CEP135: variants seen among roughly 807,000 people sequenced by gnomAD.
CEP135 encodes centrosomal protein of 135 kDa.
Under a neutral mutation model 157.3 loss-of-function variants are expected in CEP135, and 142 were observed. That is an observed-to-expected ratio of 0.90 (90% CI 0.79 to 1.04). CEP135 has a LOEUF of 1.04. Among genes scored for constraint, CEP135 ranks in the 50% least tolerant of loss-of-function variants. The probability of loss-of-function intolerance (pLI) is 0.00; values close to 1 mark genes in which losing one functional copy is unlikely to be tolerated. For synonymous variants in CEP135, 396 were observed against 439.8 expected (o/e 0.90, Z 1.25); for missense variants, 1,317 against 1,309.2 (o/e 1.01, Z -0.09).
At position 55,991,915 on chromosome 4, in the gene CEP135, T is replaced by C; in HGVS notation, c.1858-19T>C. ...ACGTATTAAGATATATACCTACTGTTTTTTTATTTAAATTATAGCTTGAAA... is the reference window on the plus strand; with the variant it reads ...ACGTATTAAGATATATACCTACTGTCTTTTTATTTAAATTATAGCTTGAAA... On this transcript the variant is annotated intron_variant, in intron 14 of 25. Coordinates refer to ENST00000257287, the MANE Select transcript of CEP135 (RefSeq NM_025009.5). The C allele has an allele frequency of 7.6e-7, 1 of 1,316,702 alleles. No individual in the cohort carries two copies. The highest frequency in any genetic ancestry group is 1.0e-6 in the Non-Finnish European group (1 of 956,304). The allele number at this position is 1,316,702 out of a possible 1,614,324, so 81.6% of individuals were successfully genotyped here.
intron 14 of CEP135, among the ~76,000 whole-genome samples, chr4:55,986,683 A>G (rs1560410567): frequency 6.6e-6 from 1 of 152,170 alleles, no homozygotes; most frequent in Non-Finnish European, 1.5e-5. Context: ...TTTTAGATTC[A>G]GGGGTACATG....
chr4:55,955,564 A>C (rs1235686961), intron 4 of CEP135, among the ~76,000 whole-genome samples: 1 of 152,222 alleles, frequency 6.6e-6, no homozygotes, highest in Non-Finnish European at 1.5e-5. Flanking sequence ...AGTGGGAGTC[A>C]ACCTTGAAAG....
chr4:55,956,500 G>T (rs1230001869), intron 4 of CEP135, among the ~76,000 whole-genome samples: 1 of 151,996 alleles, frequency 6.6e-6, no homozygotes, highest in Admixed American at 6.6e-5. Context: ...TACAATTTCA[G>T]TTATCTTTTA....
chr4:56,005,725 A>C (rs1311508843), intron 17 of CEP135, among the ~76,000 whole-genome samples: 1 of 152,096 alleles, frequency 6.6e-6, no homozygotes, highest in African/African-American at 2.4e-5. Flanking sequence ...TTTGCACGTT[A>C]GTTTTTTTCT....
At chr4:56,023,259 G>A (rs1352148271) in intron 24 of CEP135, among the ~76,000 whole-genome samples, 1 of 151,824 alleles carries the variant, frequency 6.6e-6, no homozygotes, top group Non-Finnish European at 1.5e-5. Flanking sequence ...CTAGCTATGG[G>A]GAACATCAAA....
chr4:55,999,264 TAAAG>T, intron 15 of CEP135, 34 bp from the exon 16 acceptor site: 1 of 1,439,206 alleles, frequency 6.9e-7, no homozygotes, highest in Non-Finnish European at 9.7e-7. Context: ...CTATGAGAGA[TAAAG>T]AATACCATTT....
At position 55,952,242 on chromosome 4, in the gene CEP135, A is replaced by G; in HGVS notation, c.112A>G (p.Ser38Gly). ...TTTACCTTTGGTAGAAAAACTTTTC[A>G]GGTAAAGACAAAAATACAGTTTTCA... Reference protein sequence around the residue: ...ECLPLVEKLFSDLVHTTESLR... With the variant: ...ECLPLVEKLFGDLVHTTESLR... The change falls in exon 2 of 26, where the codon AGC becomes GGC. Residue 38 changes from serine (S) to glycine (G), a missense_variant and splice_region_variant. Coordinates refer to ENST00000257287, the MANE Select transcript of CEP135 (RefSeq NM_025009.5). 1 of 1,573,922 alleles carries G rather than the reference A, an allele frequency of 6.4e-7. No homozygotes were observed. Among genetic ancestry groups the G allele is most frequent in the Non-Finnish European group, 8.7e-7 (1 of 1,143,630 alleles).
chr4:55,958,247 C>T (rs1728564544), intron 5 of CEP135, among the ~76,000 whole-genome samples: 1 of 152,088 alleles, frequency 6.6e-6, no homozygotes, highest in African/African-American at 2.4e-5. Context: ...CCAGCCTGGT[C>T]AATATAGTGA....
rs138187748 is a variant in CEP135, at chr4:55,950,402, G to GTAAAA, written c.-46+1344_-46+1348dup. ...TTATATATTGTGAAGAACAACAGAT[G>GTAAAA]TAAAACAAAATTTTTATTTGGCTTA... On this transcript the variant is annotated intron_variant, in intron 1 of 25. Coordinates refer to ENST00000257287, the MANE Select transcript of CEP135 (RefSeq NM_025009.5). Among the ~76,000 whole-genome samples the GTAAAA allele has an allele frequency of 5.1e-3, 779 of 152,298 alleles. 3 individuals are homozygous for GTAAAA. The highest frequency in any genetic ancestry group is 0.018 in the African/African-American group (732 of 41,550).
At chr4:56,016,536 A>G (rs1039998662) in intron 21 of CEP135, among the ~76,000 whole-genome samples, 2 of 152,188 alleles carry the variant, frequency 1.3e-5, no homozygotes, top group African/African-American at 4.8e-5. Flanking sequence ...AGTATAAGCC[A>G]ATTTCACAAT....
chr4:56,013,303 G>A (rs193154104), intron 21 of CEP135, among the ~76,000 whole-genome samples: 1 of 152,180 alleles, frequency 6.6e-6, no homozygotes, highest in African/African-American at 2.4e-5. Context: ...GTGTATACGT[G>A]ATTTGCAAAT....
At chr4:56,029,399 C>T (rs1438756309) in intron 25 of CEP135, among the ~76,000 whole-genome samples, 1 of 152,168 alleles carries the variant, frequency 6.6e-6, no homozygotes, top group Admixed American at 6.5e-5. Flanking sequence ...GTGATCAGCT[C>T]CCATCCTGAA....
chr4:55,985,285 T>C lies in CEP135; in HGVS notation c.1784T>C (p.Ile595Thr). The change falls in exon 14 of 26, where the codon ATT becomes ACT. Residue 595 changes from isoleucine to threonine, a missense_variant. Transcript: ENST00000257287. ...TTCTTTAACATTCTTTTTCAGCATA[T>C]TGAAGAAGTGAGTCTTTTTGGAAAA... ...KEALREKLEH[I>T]EEVSLFGKSE... 1 of 1,552,498 alleles carries C rather than the reference T, an allele frequency of 6.4e-7. No homozygotes were observed. The highest frequency in any genetic ancestry group is 8.9e-7 in the Non-Finnish European group (1 of 1,127,252).
intron 21 of CEP135, among the ~76,000 whole-genome samples, chr4:56,016,968 C>T (rs1471640915): frequency 2.4e-4 from 37 of 152,068 alleles, no homozygotes; most frequent in Non-Finnish European, 2.9e-5. Flanking sequence ...GCCACCCAGC[C>T]GTTTTAATAG....
In CEP135 at chr4:56,019,423, A is replaced by C. The variant is rs1371676056; in HGVS notation, c.3083A>C (p.His1028Pro). 1 of 1,614,056 alleles carries C rather than the reference A, an allele frequency of 6.2e-7. No individual in the cohort carries two copies. The highest frequency in any genetic ancestry group is 1.3e-5 in the African/African-American group (1 of 75,060). The change falls in exon 23 of 26, where the codon CAT becomes CCT. Residue 1028 changes from histidine to proline, a missense_variant. Coordinates refer to ENST00000257287, the MANE Select transcript of CEP135 (RefSeq NM_025009.5). ...LLKKQLSNER[H>P]TVKNLESLLA... ...AAAAAACAACTTTCAAATGAGAGAC[A>C]TACAGTTAAAAACCTCGAATCATTG...
rs774550281 is a variant in CEP135 at position 56,011,969 on chromosome 4, A to G, written c.2786A>G (p.Glu929Gly). The G allele has an allele frequency of 6.5e-7, 1 of 1,544,234 alleles. No homozygotes were observed. Among genetic ancestry groups the G allele is most frequent in the Admixed American group, 2.2e-5 (1 of 46,468 alleles). The stretch of plus-strand genomic sequence containing the variant: ...CTTCGAGAAAGAGTGGAGCTATTAG[A>G]AAAAGAAATTCAAGAGGTAATATAT... ...RHLRERVELL[E>G]KEIQEHINAH... The change falls in exon 21 of 26, where the codon GAA (glutamate) becomes GGA (glycine). Residue 929 changes from glutamate (E) to glycine (G), a missense_variant. Glu to Gly is a moderately conservative substitution (Grantham distance 98). Coordinates refer to ENST00000257287, the MANE Select transcript of CEP135 (RefSeq NM_025009.5).
At chr4:55,954,191 G>T (rs528096929) in intron 3 of CEP135, 25 bp from the exon 4 acceptor site, 3 of 1,546,914 alleles carry the variant, frequency 1.9e-6, no homozygotes, top group African/African-American at 2.8e-5. Flanking sequence ...CTTTAAAACG[G>T]TCTTTGAATC....
chr4:55,956,656 G>C (rs1291916312), intron 4 of CEP135, among the ~76,000 whole-genome samples: 1 of 152,022 alleles, frequency 6.6e-6, no homozygotes. Context: ...TGTTGCCCAG[G>C]TTAGAGTGCA....
intron 17 of CEP135, among the ~76,000 whole-genome samples, chr4:56,000,455 A>T (rs1260422981): frequency 6.6e-6 from 1 of 152,084 alleles, no homozygotes; most frequent in South Asian, 2.1e-4. Context: ...CTAAGTGTAT[A>T]TTTGTGCCCA....
Sources: gnomAD v4.1 joint callset for allele counts (sites outside exome capture counted in the v4.1 genomes callset) on GRCh38, gnomAD v4.1.1 for gene constraint, MANE v1.5 for transcripts, NCBI Gene and HGNC (gene_info 2026-07-23, HGNC 2026-07-21) for gene names.